VSTM2B: variants seen among roughly 807,000 people sequenced by gnomAD.
VSTM2B encodes V-set and transmembrane domain-containing protein 2B.
VSTM2B carries 24 observed loss-of-function variants against 24.0 expected under a neutral mutation model. That is an observed-to-expected ratio of 1.00 (90% CI 0.72 to 1.40). The LOEUF (loss-of-function observed/expected upper bound fraction) is 1.40, where lower values mean the gene tolerates loss of function less well. Among genes scored for constraint, VSTM2B ranks in the 40% most tolerant of loss-of-function variants. The pLI is 0.00. For synonymous variants in VSTM2B, 226 were observed against 194.4 expected (o/e 1.16, Z -1.35); for missense variants, 399 against 416.4 (o/e 0.96, Z 0.36).
At chr19:29,552,951 A>C (rs1249277498) in intron 4 of VSTM2B, among the ~76,000 whole-genome samples, 11 of 152,166 alleles carry the variant, frequency 7.2e-5, no homozygotes, top group African/African-American at 2.4e-4. Context: ...GTATAGGGAC[A>C]GAGCTCTGAT....
At chr19:29,556,117 G>C (rs1374436384) in intron 4 of VSTM2B, among the ~76,000 whole-genome samples, 1 of 148,196 alleles carries the variant, frequency 6.7e-6, no homozygotes, top group Non-Finnish European at 1.5e-5. Context: ...AAAAAAGAAA[G>C]AAAACTTTAA....
intron 4 of VSTM2B, 108 bp downstream of exon 4, chr19:29,530,398 T>G: frequency 1.0e-6 from 1 of 993,124 alleles, no homozygotes; most frequent in Non-Finnish European, 1.4e-6. Flanking sequence ...CTGGGCGCAT[T>G]TGCATATGCA....
intron 4 of VSTM2B, among the ~76,000 whole-genome samples, chr19:29,538,481 C>T (rs181035493): frequency 1.3e-5 from 2 of 152,318 alleles, no homozygotes; most frequent in East Asian, 3.9e-4. Context: ...CTGAGACTTC[C>T]TTCATGAGAC....
chr19:29,535,769 CAG>C (rs754244882), intron 4 of VSTM2B, among the ~76,000 whole-genome samples: 1 of 152,144 alleles, frequency 6.6e-6, no homozygotes, highest in African/African-American at 2.4e-5. Flanking sequence ...CGCGATGCAG[CAG>C]AGTCACCAGC....
At chr19:29,554,611 A>T (rs546999213) in intron 4 of VSTM2B, among the ~76,000 whole-genome samples, 5 of 152,296 alleles carry the variant, frequency 3.3e-5, no homozygotes, top group African/African-American at 1.2e-4. Flanking sequence ...CCCAATTAAA[A>T]GACATAGAAT....
chr19:29,528,742 CTT>C (rs1969648402), intron 3 of VSTM2B, among the ~76,000 whole-genome samples: 2 of 152,258 alleles, frequency 1.3e-5, no homozygotes, highest in African/African-American at 4.8e-5. Context: ...GGACTGCGCG[CTT>C]AGGGCCTCTC....
intron 4 of VSTM2B, among the ~76,000 whole-genome samples, chr19:29,550,364 G>A (rs776155909): frequency 2.0e-5 from 3 of 152,236 alleles, no homozygotes; most frequent in Admixed American, 6.5e-5. Flanking sequence ...GAGCCTGGGA[G>A]TTGGCTGCAG....
rs184285290 is a variant in VSTM2B at position 29,545,041 on chromosome 19, G to A, written c.769+14751G>A. Among the ~76,000 whole-genome samples the A allele has an allele frequency of 7.4e-4, 112 of 152,248 alleles. 1 individual carries two copies. Among genetic ancestry groups the A allele is most frequent in the African/African-American group, 2.6e-3 (108 of 41,546 alleles). On this transcript the variant is annotated intron_variant, in intron 4 of 4. Transcript: ENST00000335523. ...ACTACGGCCATCCACATACAGCCCCGAAGAAATGGAACTTGCCTTGGAGCC... is the reference window on the plus strand; with the variant it reads ...ACTACGGCCATCCACATACAGCCCCAAAGAAATGGAACTTGCCTTGGAGCC...
rs1257753562 is a variant in VSTM2B at position 29,527,234 on chromosome 19, G to T, written c.106G>T (p.Asp36Tyr). 1.9e-6 allele frequency: 3 copies of T among 1,549,672 alleles called. 1 individual carries two copies. In the South Asian group the frequency reaches 3.6e-5, roughly 18 times the overall value. ...ADAAFTEVPK[D>Y]VTVREGDDIE... The stretch of plus-strand genomic sequence containing the variant: ...AGCTGCATTCACAGAAGTCCCCAAA[G>T]ATGTGACAGTACGGGAGGGAGACGA... The change falls in exon 2 of 5, where the codon GAT becomes TAT. Residue 36 changes from aspartate to tyrosine, a missense_variant. Physicochemically the swap from Asp to Tyr is radical, Grantham distance 160. Coordinates refer to ENST00000335523, the MANE Select transcript of VSTM2B (RefSeq NM_001146339.2).
intron 4 of VSTM2B, among the ~76,000 whole-genome samples, chr19:29,544,525 C>CAAAAAAAAAAAAAA (rs58540469): frequency 5.5e-5 from 3 of 54,344 alleles, no homozygotes; most frequent in African/African-American, 2.3e-4. Context: ...GACTCTGTCT[C>CAAAAAAAAAAAAAA]AAAAAAAAAA....
chr19:29,536,654 C>G (rs1200930719), intron 4 of VSTM2B, among the ~76,000 whole-genome samples: 3 of 152,178 alleles, frequency 2.0e-5, no homozygotes, highest in Non-Finnish European at 4.4e-5. Context: ...GTCCGTCCCC[C>G]AGAAGACAGA....
At position 29,526,581 on chromosome 19, in the gene VSTM2B, G is replaced by C; in HGVS notation, c.-3G>C. ...CCCGCCGCCACCGCGCCCCCCGCGG[G>C]AGATGGAACAGCGGAACCGGCTCGG... On this transcript the variant is annotated 5_prime_UTR_variant, in exon 1 of 5. Coordinates refer to ENST00000335523, the MANE Select transcript of VSTM2B (RefSeq NM_001146339.2). The surrounding 1 kb of genome is among the most constrained non-coding windows in gnomAD (Gnocchi z 4.1). The C allele has an allele frequency of 6.6e-7, 1 of 1,512,738 alleles. No individual in the cohort carries two copies. The highest frequency in any genetic ancestry group is 1.2e-5 in the South Asian group (1 of 81,340). 93.7% of individuals were successfully genotyped at this position (1,512,738 alleles called of 1,614,324 possible). A position where few individuals can be genotyped will look rare whatever the true frequency, so the allele number is the denominator to read the frequency against.
At chr19:29,548,967 A>T (rs1804351421) in intron 4 of VSTM2B, among the ~76,000 whole-genome samples, 1 of 152,208 alleles carries the variant, frequency 6.6e-6, no homozygotes, top group Admixed American at 6.5e-5. Context: ...GCTGGTGGCT[A>T]GCAGGGAGGG....
At chr19:29,530,336 G>T (rs971853366) in intron 4 of VSTM2B, 46 bp downstream of exon 4, 2 of 1,433,594 alleles carry the variant, frequency 1.4e-6, no homozygotes, top group Admixed American at 6.1e-5. Flanking sequence ...ATGGCGCAGG[G>T]CTAGGGCTGC....
At chr19:29,530,383 G>T (rs1969721569) in intron 4 of VSTM2B, 93 bp downstream of exon 4, 9 of 1,180,698 alleles carry the variant, frequency 7.6e-6, no homozygotes, top group South Asian at 1.8e-5. Flanking sequence ...CCCAGGACCC[G>T]CCCCCTGGGC....
intron 4 of VSTM2B, among the ~76,000 whole-genome samples, chr19:29,534,046 G>C (rs2145472396): frequency 6.6e-6 from 1 of 152,334 alleles, no homozygotes; most frequent in African/African-American, 2.4e-5. Flanking sequence ...GAGGCACATG[G>C]AACATTCAAA....
chr19:29,539,815 C>T (rs1969982744), intron 4 of VSTM2B, among the ~76,000 whole-genome samples: 1 of 152,206 alleles, frequency 6.6e-6, no homozygotes, highest in South Asian at 2.1e-4. Flanking sequence ...AGGCTGCCGG[C>T]CAGGCCAGGA....
At chr19:29,544,094 C>A (rs1043287770) in intron 4 of VSTM2B, among the ~76,000 whole-genome samples, 2 of 151,040 alleles carry the variant, frequency 1.3e-5, no homozygotes, top group Non-Finnish European at 1.5e-5. Context: ...TTATATAGTT[C>A]TCCTGTGTGT....
chr19:29,549,040 C>T (rs1167441616), intron 4 of VSTM2B, among the ~76,000 whole-genome samples: 1 of 152,232 alleles, frequency 6.6e-6, no homozygotes, highest in Non-Finnish European at 1.5e-5. Context: ...TGTTCTGTAG[C>T]TTGGTGGAAA....
Sources: allele counts gnomAD v4.1 joint callset (sites outside exome capture counted in the v4.1 genomes callset), GRCh38; gene constraint gnomAD v4.1.1; non-coding constraint Gnocchi (gnomAD v3.1); transcripts MANE v1.5; gene names NCBI Gene and HGNC (gene_info 2026-07-23, HGNC 2026-07-21).